The following ANKRD55 variants were observed in gnomAD, a reference collection of about 807,000 sequenced individuals.
ANKRD55 encodes ankyrin repeat domain-containing protein 55.
Under a neutral mutation model 60.6 loss-of-function variants are expected in ANKRD55, and 41 were observed. That is an observed-to-expected ratio of 0.68 (90% CI 0.53 to 0.88). ANKRD55 has a LOEUF of 0.88. Ranked by LOEUF, ANKRD55 falls within the 40% of genes least tolerant of loss-of-function variation. The pLI is 0.00. For synonymous variants in ANKRD55, 264 were observed against 290.3 expected (o/e 0.91, Z 0.92); for missense variants, 732 against 767.6 (o/e 0.95, Z 0.55).
intron 2 of ANKRD55, among the ~76,000 whole-genome samples, chr5:56,229,722 C>G (rs6881973): frequency 0.017 from 2,542 of 152,258 alleles, 79 homozygotes; most frequent in African/African-American, 0.058. Flanking sequence ...CCTGAAGGTC[C>G]TTCTGCATCA....
At chr5:56,162,610 AG>A (rs1343792647) in intron 5 of ANKRD55, among the ~76,000 whole-genome samples, 1 of 150,806 alleles carries the variant, frequency 6.6e-6, no homozygotes, top group Non-Finnish European at 1.5e-5. Flanking sequence ...TTTTGGGGAA[AG>A]TGGGGGTGGG....
intron 5 of ANKRD55, among the ~76,000 whole-genome samples, chr5:56,161,175 G>C (rs1402983525): frequency 6.6e-6 from 1 of 151,620 alleles, no homozygotes; most frequent in African/African-American, 2.4e-5. Context: ...CAAATACCTG[G>C]ACTCTGTACT....
At chr5:56,132,305 G>A (rs1245514177) in intron 7 of ANKRD55, among the ~76,000 whole-genome samples, 2 of 151,860 alleles carry the variant, frequency 1.3e-5, no homozygotes, top group Non-Finnish European at 2.9e-5. Context: ...ACCACAAAAG[G>A]TGGAAGAAGA....
At chr5:56,144,318 C>G (rs1366594953) in intron 6 of ANKRD55, among the ~76,000 whole-genome samples, 2 of 152,076 alleles carry the variant, frequency 1.3e-5, no homozygotes, top group Non-Finnish European at 2.9e-5. Context: ...TCTAAACAGG[C>G]CTCTGAAAGA....
At chr5:56,110,409 A>G (rs1475724007) in intron 10 of ANKRD55, 2 of 152,288 alleles carry the variant, frequency 1.3e-5, no homozygotes, top group Non-Finnish European at 1.5e-5. Context: ...AAATAAATAA[A>G]TAAATACATT....
intron 2 of ANKRD55, among the ~76,000 whole-genome samples, chr5:56,225,046 AC>A (rs1231196896): frequency 1.3e-5 from 2 of 152,196 alleles, no homozygotes; most frequent in Non-Finnish European, 2.9e-5. Context: ...AGAATTTTAG[AC>A]CAATATCCTT....
At chr5:56,132,919 G>A (rs1009839604) in intron 7 of ANKRD55, among the ~76,000 whole-genome samples, 3 of 152,100 alleles carry the variant, frequency 2.0e-5, no homozygotes, top group Non-Finnish European at 2.9e-5. Flanking sequence ...AAGTTGTTAG[G>A]GATAAAGAAG....
chr5:56,104,057 G>A (rs943047083), intron 10 of ANKRD55, among the ~76,000 whole-genome samples: 2 of 152,108 alleles, frequency 1.3e-5, no homozygotes, highest in Admixed American at 6.5e-5. Context: ...AAATATTCCT[G>A]TGTAGAATTA....
chr5:56,120,123 G>A (rs1374574019), intron 8 of ANKRD55, among the ~76,000 whole-genome samples: 2 of 150,764 alleles, frequency 1.3e-5, no homozygotes, highest in Non-Finnish European at 1.5e-5. Context: ...TGAAACCTCC[G>A]ACTCCCTGGT....
intron 3 of ANKRD55, among the ~76,000 whole-genome samples, chr5:56,179,093 A>C (rs1436932277): frequency 6.6e-6 from 1 of 152,190 alleles, no homozygotes; most frequent in Non-Finnish European, 1.5e-5. Flanking sequence ...GATATAATCA[A>C]AGATGATAAT....
chr5:56,224,515 C>A (rs887112321), intron 2 of ANKRD55, among the ~76,000 whole-genome samples: 3 of 151,936 alleles, frequency 2.0e-5, no homozygotes, highest in Non-Finnish European at 4.4e-5. Context: ...GATAGAGACA[C>A]AAAAAACCCT....
chr5:56,205,347 C>T (rs1759475854), intron 2 of ANKRD55, among the ~76,000 whole-genome samples: 1 of 152,230 alleles, frequency 6.6e-6, no homozygotes, highest in African/African-American at 2.4e-5. Context: ...AGGTGTGAGC[C>T]ACTGCACCTG....
chr5:56,228,176 T>C (rs903019666), intron 2 of ANKRD55, among the ~76,000 whole-genome samples: 1 of 152,136 alleles, frequency 6.6e-6, no homozygotes, highest in Non-Finnish European at 1.5e-5. Flanking sequence ...TCTGAAAGGA[T>C]GTGACTAAGC....
chr5:56,111,786 T>C lies in ANKRD55; in HGVS notation c.966-4A>G. On this transcript the variant is annotated splice_region_variant and splice_polypyrimidine_tract_variant and intron_variant, in intron 9 of 11. Coordinates refer to ENST00000341048, the MANE Select transcript of ANKRD55 (RefSeq NM_024669.3). ...AGGGGGTCGAGTAGGCTCTGTTCTA[T>C]GCGAATATAAAAGAGCAGGGATGAT... The C allele has an allele frequency of 6.7e-7, 1 of 1,489,142 alleles. No homozygotes were observed. Among genetic ancestry groups the C allele is most frequent in the Non-Finnish European group, 8.9e-7 (1 of 1,123,682 alleles). 92.2% of individuals were successfully genotyped at this position (1,489,142 alleles called of 1,614,324 possible).
intron 9 of ANKRD55, among the ~76,000 whole-genome samples, chr5:56,115,804 A>G (rs1051983608): frequency 2.6e-5 from 4 of 152,144 alleles, no homozygotes; most frequent in South Asian, 2.1e-4. Context: ...TTTATTATTA[A>G]TTTAAATGGA....
intron 4 of ANKRD55, among the ~76,000 whole-genome samples, chr5:56,174,588 G>A (rs971743542): frequency 6.6e-6 from 1 of 152,032 alleles, no homozygotes; most frequent in Non-Finnish European, 1.5e-5. Flanking sequence ...TTTAAAAATC[G>A]CCTGGGAGGC....
chr5:56,116,597 G>A lies in ANKRD55; in HGVS notation c.965+18C>T. The A allele has an allele frequency of 1.4e-6, 2 of 1,458,194 alleles. No homozygotes were observed. Among genetic ancestry groups the A allele is most frequent in the Non-Finnish European group, 9.1e-7 (1 of 1,100,322 alleles). 90.3% of individuals were successfully genotyped at this position (1,458,194 alleles called of 1,614,324 possible). ...AGTTGAGAAGAATAGAAAAATAACT[G>A]GCTCCTGTTGTACTCACCTGCTCTC... On this transcript the variant is annotated intron_variant, in intron 9 of 11. Coordinates refer to ENST00000341048, the MANE Select transcript of ANKRD55 (RefSeq NM_024669.3).
At chr5:56,149,333 C>T (rs1757983339) in intron 6 of ANKRD55, among the ~76,000 whole-genome samples, 1 of 152,112 alleles carries the variant, frequency 6.6e-6, no homozygotes, top group African/African-American at 2.4e-5. Context: ...AAAACTCTCA[C>T]TTTCTCCCTG....
At chr5:56,220,818 A>G (rs1351046282) in intron 2 of ANKRD55, among the ~76,000 whole-genome samples, 2 of 152,122 alleles carry the variant, frequency 1.3e-5, no homozygotes, top group East Asian at 3.9e-4. Context: ...ATCTCAAAAA[A>G]CAAAACAAAA....
Sources: gnomAD v4.1 joint callset for allele counts (sites outside exome capture counted in the v4.1 genomes callset) on GRCh38, gnomAD v4.1.1 for gene constraint, MANE v1.5 for transcripts, NCBI Gene and HGNC (gene_info 2026-07-23, HGNC 2026-07-21) for gene names.